Variants in UGT1A8 observed in about 807,000 individuals in gnomAD.
UGT1A8 encodes UDP glucuronosyltransferase family 1 member A8, also known as UDP-glucuronosyltransferase 1A8.
Under a neutral mutation model 45.3 loss-of-function variants are expected in UGT1A8, and 39 were observed. That is an observed-to-expected ratio of 0.86 (90% CI 0.67 to 1.12). The LOEUF (loss-of-function observed/expected upper bound fraction) is 1.12. UGT1A8 is among the 50% of genes most tolerant of loss of function. The pLI, the probability that UGT1A8 is intolerant of heterozygous loss-of-function variation, is 0.00. For missense variants in UGT1A8, 719 were observed against 664.9 expected (o/e 1.08, Z -0.90); for synonymous variants, 275 against 249.2 (o/e 1.10, Z -0.97).
rs766281304 is a variant in UGT1A8 at position 233,769,518 on chromosome 2, T to C, written c.1295+1079T>C. On this transcript the variant is annotated intron_variant, in intron 4 of 4. Coordinates refer to ENST00000373450, the MANE Select transcript of UGT1A8 (RefSeq NM_019076.5). This position sits in a 1 kb window ranked among gnomAD's most constrained non-coding sequence, Gnocchi z 4.4. ...GAGTGTCCATTGCTTTCTCCCATGG[T>C]TACCTCCTTTAGAAAGAAGCAGCAG... The C allele has an allele frequency of 1.2e-6, 2 of 1,612,876 alleles. No homozygotes were observed. Among genetic ancestry groups the C allele is most frequent in the South Asian group, 2.2e-5 (2 of 91,072 alleles).
In UGT1A8 at chr2:233,755,028, C is replaced by T; in HGVS notation, c.856-12006C>T. 4 of 1,311,690 alleles carry T rather than the reference C, an allele frequency of 3.0e-6. 1 individual carries two copies. In the South Asian group the frequency reaches 4.6e-5, roughly 15 times the overall value. 81.3% of individuals were successfully genotyped at this position (1,311,690 alleles called of 1,614,324 possible). On this transcript the variant is annotated intron_variant, in intron 1 of 4. Transcript: ENST00000373450. ...CTACTCGAAGGGGTCCTTGAAGGGC[C>T]TGCCGCCTGCGCAGCCGCCCTCCGC...
At chr2:233,664,702 C>T (rs1238795372) in intron 1 of UGT1A8, among the ~76,000 whole-genome samples, 1 of 152,166 alleles carries the variant, frequency 6.6e-6, no homozygotes, top group African/African-American at 2.4e-5. Flanking sequence ...GAGGGATCCA[C>T]CCCCATGATC....
At chr2:233,642,652 C>T (rs191517249) in intron 1 of UGT1A8, among the ~76,000 whole-genome samples, 3 of 152,224 alleles carry the variant, frequency 2.0e-5, no homozygotes, top group East Asian at 1.9e-4. Context: ...TATTTGTAGC[C>T]GTCCTTCTTG....
intron 1 of UGT1A8, among the ~76,000 whole-genome samples, chr2:233,652,869 A>T (rs1193190353): frequency 1.3e-5 from 2 of 152,256 alleles, no homozygotes; most frequent in Admixed American, 6.5e-5. Flanking sequence ...AGAAGGAAAC[A>T]TTTGGGGAAG....
At chr2:233,729,341 A>G (rs1330207927) in intron 1 of UGT1A8, 2 of 1,614,238 alleles carry the variant, frequency 1.2e-6, no homozygotes, top group Admixed American at 1.7e-5. Flanking sequence ...ATCAAAGAAG[A>G]GAACTTTTTC....
chr2:233,713,409 C>T (rs904986481), intron 1 of UGT1A8: 5 of 1,614,030 alleles, frequency 3.1e-6, no homozygotes, highest in Non-Finnish European at 4.2e-6. Flanking sequence ...CCTGATCAGG[C>T]ACCTGCATGC....
At chr2:233,640,966 A>G (rs889085885) in intron 1 of UGT1A8, among the ~76,000 whole-genome samples, 6 of 152,226 alleles carry the variant, frequency 3.9e-5, no homozygotes, top group African/African-American at 1.2e-4. Context: ...GGTCTAGGAC[A>G]CATAGCCCTC....
At chr2:233,741,008 G>A (rs1182899562) in intron 1 of UGT1A8, 1 of 151,722 alleles carries the variant, frequency 6.6e-6, no homozygotes, top group African/African-American at 2.4e-5. Flanking sequence ...GATCACTTGA[G>A]CCCAGGAATT....
At chr2:233,682,708 T>G (rs766002261) in intron 1 of UGT1A8, 2 of 1,613,914 alleles carry the variant, frequency 1.2e-6, no homozygotes, top group Admixed American at 3.3e-5. Flanking sequence ...GAACTGACTT[T>G]GTTTTGGAGT....
chr2:233,644,342 TG>T, intron 1 of UGT1A8, among the ~76,000 whole-genome samples: 1 of 152,170 alleles, frequency 6.6e-6, no homozygotes, highest in Non-Finnish European at 1.5e-5. Flanking sequence ...CTGAGGTGGG[TG>T]GATCACTTGA....
At chr2:233,726,389 CAT>C (rs2077529485) in intron 1 of UGT1A8, among the ~76,000 whole-genome samples, 1 of 152,150 alleles carries the variant, frequency 6.6e-6, no homozygotes, top group Non-Finnish European at 1.5e-5. Flanking sequence ...GCTTCCATCT[CAT>C]AGTCTTTTGA....
At chr2:233,724,088 C>T (rs1463645375) in intron 1 of UGT1A8, among the ~76,000 whole-genome samples, 27 of 104,412 alleles carry the variant, frequency 2.6e-4, no homozygotes, top group African/African-American at 6.1e-4. Context: ...AGGGGCTCCT[C>T]ACTTCCCAGT....
chr2:233,746,509 A>C (rs1693414450), intron 1 of UGT1A8, among the ~76,000 whole-genome samples: 1 of 151,796 alleles, frequency 6.6e-6, no homozygotes, highest in Admixed American at 6.5e-5. Flanking sequence ...AGTAGCCCCC[A>C]AAGCAAGACC....
intron 1 of UGT1A8, among the ~76,000 whole-genome samples, chr2:233,690,178 C>A (rs541468631): frequency 3.9e-5 from 6 of 152,164 alleles, no homozygotes; most frequent in African/African-American, 1.4e-4. Context: ...GTTTTTATAG[C>A]CATTTCATAA....
chr2:233,712,982 T>C, intron 1 of UGT1A8: 2 of 1,613,208 alleles, frequency 1.2e-6, no homozygotes, highest in Non-Finnish European at 1.7e-6. Context: ...TGTCGGTGGC[T>C]TCTGCTGAGA....
rs932352286 is a variant in UGT1A8, at chr2:233,700,062, G to T, written c.856-66972G>T. Among the ~76,000 whole-genome samples the T allele has an allele frequency of 5.3e-5, 8 of 152,146 alleles. 1 individual carries two copies. Among genetic ancestry groups the T allele is most frequent in the Non-Finnish European group, 8.8e-5 (6 of 68,028 alleles). On this transcript the variant is annotated intron_variant, in intron 1 of 4. Coordinates refer to ENST00000373450, the MANE Select transcript of UGT1A8 (RefSeq NM_019076.5). ...AAATCAATTCCAAGTGAATCCAGTGGTGTCTACCCAGCAAGGCCCCCAGCC... is the reference window on the plus strand; with the variant it reads ...AAATCAATTCCAAGTGAATCCAGTGTTGTCTACCCAGCAAGGCCCCCAGCC...
At chr2:233,743,832 T>G (rs569722093) in intron 1 of UGT1A8, 26 of 1,367,252 alleles carry the variant, frequency 1.9e-5, no homozygotes, top group South Asian at 9.1e-5. Context: ...GGGTGCCACT[T>G]GAGCGCCAGC....
intron 1 of UGT1A8, among the ~76,000 whole-genome samples, chr2:233,661,631 C>CTTTCTTTA (rs1389850136): frequency 1.1e-4 from 14 of 122,414 alleles, no homozygotes; most frequent in East Asian, 4.3e-4. Flanking sequence ...AATTTTCTTT[C>CTTTCTTTA]TTTCTTTCTT....
At chr2:233,630,261 G>T (rs529548907) in intron 1 of UGT1A8, among the ~76,000 whole-genome samples, 2 of 152,024 alleles carry the variant, frequency 1.3e-5, no homozygotes, top group Non-Finnish European at 2.9e-5. Context: ...AAAAGAAAAG[G>T]TGACTAAGCA....
Sources: allele counts gnomAD v4.1 joint callset (sites outside exome capture counted in the v4.1 genomes callset), GRCh38; gene constraint gnomAD v4.1.1; non-coding constraint Gnocchi (gnomAD v3.1); transcripts MANE v1.5; gene names NCBI Gene and HGNC (gene_info 2026-07-23, HGNC 2026-07-21).